The following LUZP2 variants were observed in gnomAD, a reference collection of about 807,000 sequenced individuals.
LUZP2 encodes the protein leucine zipper protein 2.
In LUZP2, 52 loss-of-function variants were observed where a neutral mutation model predicts 51.6. The ratio of observed to expected loss-of-function variants is 1.01; its 90% confidence interval spans 0.81 to 1.27. LUZP2 has a LOEUF of 1.27. Among genes scored for constraint, LUZP2 ranks in the 50% most tolerant of loss-of-function variants. LUZP2 has a pLI of 0.00. For missense variants in LUZP2, 436 were observed against 395.4 expected (o/e 1.10, Z -0.87); for synonymous variants, 154 against 137.3 (o/e 1.12, Z -0.85).
intron 6 of LUZP2, among the ~76,000 whole-genome samples, chr11:24,906,893 T>C (rs1853471331): frequency 6.6e-6 from 1 of 152,206 alleles, no homozygotes; most frequent in Non-Finnish European, 1.5e-5. Context: ...GAAGTTTAGC[T>C]GCAATGAGAA....
intron 9 of LUZP2, among the ~76,000 whole-genome samples, chr11:25,027,907 C>G (rs1857542047): frequency 1.3e-5 from 2 of 151,084 alleles, no homozygotes. Flanking sequence ...TAGATACCAT[C>G]AATGTTTTCC....
In LUZP2 at chr11:24,672,818, G is replaced by A. The variant is rs568345145; in HGVS notation, c.63-56351G>A. On this transcript the variant is annotated intron_variant, in intron 1 of 11. Transcript: ENST00000336930. ...TGCTTTATTGAATACTTTACGTCAG[G>A]GGTCCCCAGTCCCTGGACCACAGAC... Among the ~76,000 whole-genome samples, 12 of 152,224 alleles carry A rather than the reference G, an allele frequency of 7.9e-5. No homozygotes were observed. In the South Asian group the frequency reaches 1.5e-3, roughly 18 times the overall value.
intron 1 of LUZP2, among the ~76,000 whole-genome samples, chr11:24,680,070 G>A (rs1398013194): frequency 2.0e-5 from 3 of 152,122 alleles, no homozygotes; most frequent in East Asian, 1.9e-4. Flanking sequence ...AATTCATACC[G>A]CTTTACTGGT....
intron 7 of LUZP2, among the ~76,000 whole-genome samples, chr11:24,923,888 C>A (rs1854147901): frequency 6.6e-6 from 1 of 152,110 alleles, no homozygotes; most frequent in African/African-American, 2.4e-5. Flanking sequence ...TCATATTTTG[C>A]TGCTTCCTCT....
At chr11:24,586,205 T>C (rs1446175782) in intron 1 of LUZP2, among the ~76,000 whole-genome samples, 1 of 152,100 alleles carries the variant, frequency 6.6e-6, no homozygotes, top group Non-Finnish European at 1.5e-5. Flanking sequence ...TGTTCAATCA[T>C]AGTCTGTAGA....
intron 1 of LUZP2, among the ~76,000 whole-genome samples, chr11:24,715,105 G>T (rs1857985612): frequency 6.6e-6 from 1 of 152,074 alleles, no homozygotes; most frequent in East Asian, 1.9e-4. Flanking sequence ...GTATATCTGG[G>T]CGTAAGTGGA....
chr11:25,016,206 C>T (rs1857150857), intron 9 of LUZP2, among the ~76,000 whole-genome samples: 1 of 152,012 alleles, frequency 6.6e-6, no homozygotes, highest in Non-Finnish European at 1.5e-5. Flanking sequence ...AAGCGTGAGC[C>T]ACCATGCCTG....
chr11:24,659,720 TAAAA>T (rs1313793835), intron 1 of LUZP2, among the ~76,000 whole-genome samples: 1 of 152,160 alleles, frequency 6.6e-6, no homozygotes, highest in Non-Finnish European at 1.5e-5. Context: ...ATAAAATTAT[TAAAA>T]TATTTTTAAA....
chr11:24,620,889 TTATCA>T (rs1487525352), intron 1 of LUZP2, among the ~76,000 whole-genome samples: 1 of 152,202 alleles, frequency 6.6e-6, no homozygotes, highest in Non-Finnish European at 1.5e-5. Flanking sequence ...ACATATAAGA[TTATCA>T]TGCTTGCTCC....
chr11:24,961,246 G>A (rs1307749832), intron 7 of LUZP2, among the ~76,000 whole-genome samples: 6 of 152,316 alleles, frequency 3.9e-5, no homozygotes, highest in Admixed American at 3.3e-4. Flanking sequence ...GGAGAGTTCT[G>A]TAGATGTCTA....
intron 1 of LUZP2, among the ~76,000 whole-genome samples, chr11:24,558,307 C>A (rs1326944871): frequency 6.6e-6 from 1 of 152,090 alleles, no homozygotes; most frequent in Non-Finnish European, 1.5e-5. Context: ...CTCCAGCCTG[C>A]AGGCAGTCTA....
chr11:25,024,673 A>G (rs577732029), intron 9 of LUZP2, among the ~76,000 whole-genome samples: 28 of 152,284 alleles, frequency 1.8e-4, no homozygotes, highest in African/African-American at 6.3e-4. Context: ...AGAACATTCC[A>G]TGCTCATGGA....
At chr11:24,860,442 A>G (rs1851706481) in intron 5 of LUZP2, among the ~76,000 whole-genome samples, 1 of 152,196 alleles carries the variant, frequency 6.6e-6, no homozygotes, top group African/African-American at 2.4e-5. Flanking sequence ...CCACCAAAGG[A>G]CAAAGTGCTT....
At chr11:24,772,700 T>C (rs146020390) in intron 5 of LUZP2, among the ~76,000 whole-genome samples, 1 of 152,244 alleles carries the variant, frequency 6.6e-6, no homozygotes, top group Non-Finnish European at 1.5e-5. Context: ...GTCTCTCAAT[T>C]CTGGAGGCTA....
intron 10 of LUZP2, among the ~76,000 whole-genome samples, chr11:25,063,790 T>C (rs1858919741): frequency 6.6e-6 from 1 of 151,852 alleles, no homozygotes; most frequent in Non-Finnish European, 1.5e-5. Context: ...ATTGAACATG[T>C]AATGTGTATC....
chr11:24,967,817 T>A (rs1855631971), intron 7 of LUZP2, among the ~76,000 whole-genome samples: 2 of 152,138 alleles, frequency 1.3e-5, no homozygotes, highest in Non-Finnish European at 2.9e-5. Flanking sequence ...TTAAAGTGTT[T>A]TTCTGCTATA....
At chr11:24,957,129 T>A (rs940931756) in intron 7 of LUZP2, among the ~76,000 whole-genome samples, 1 of 152,164 alleles carries the variant, frequency 6.6e-6, no homozygotes, top group African/African-American at 2.4e-5. Flanking sequence ...GCTTTTAAAC[T>A]GTTGGAGTGA....
chr11:24,914,403 C>A, intron 6 of LUZP2, 73 bp from the exon 7 acceptor site: 1 of 1,122,558 alleles, frequency 8.9e-7, no homozygotes, highest in Non-Finnish European at 1.3e-6. Flanking sequence ...CCTGTGAAGT[C>A]TGAAAGTATT....
At position 25,080,386 on chromosome 11, in the gene LUZP2, A is replaced by T. The variant is rs1465232308; in HGVS notation, c.*1728A>T. ...TTTAGGTATCTGAAATGCATTTCAGACTTACAATGTTTTCAACCTTTGACT... is the reference window on the plus strand; with the variant it reads ...TTTAGGTATCTGAAATGCATTTCAGTCTTACAATGTTTTCAACCTTTGACT... On this transcript the variant is annotated 3_prime_UTR_variant, in exon 12 of 12. Coordinates refer to ENST00000336930, the MANE Select transcript of LUZP2 (RefSeq NM_001009909.4). 1.3e-5 allele frequency: 2 copies of T among 152,114 alleles called. No individual in the cohort carries two copies. Among genetic ancestry groups the T allele is most frequent in the Non-Finnish European group, 2.9e-5 (2 of 68,030 alleles). 9.4% of individuals were successfully genotyped at this position (152,114 alleles called of 1,614,324 possible).
Sources: gnomAD v4.1 joint callset for allele counts (sites outside exome capture counted in the v4.1 genomes callset) on GRCh38, gnomAD v4.1.1 for gene constraint, MANE v1.5 for transcripts, NCBI Gene and HGNC (gene_info 2026-07-23, HGNC 2026-07-21) for gene names.